CACNB2: variants seen among roughly 807,000 people sequenced by gnomAD.
CACNB2 encodes calcium voltage-gated channel auxiliary subunit beta 2, also known as voltage-dependent L-type calcium channel subunit beta-2.
CACNB2 carries 42 observed loss-of-function variants against 73.3 expected under a neutral mutation model. The ratio of observed to expected loss-of-function variants is 0.57; its 90% CI spans 0.45 to 0.74. CACNB2 has a LOEUF of 0.74. CACNB2 is among the 30% of genes least tolerant of loss of function. The pLI is 0.00. For synonymous variants in CACNB2, 348 were observed against 310.3 expected, an observed-to-expected ratio of 1.12 and a Z score of -1.28; for missense variants, 940 against 853.0, an observed-to-expected ratio of 1.10 and a Z score of -1.27.
At chr10:18,536,027 A>G in intron 11 of CACNB2, 74 bp from the exon 12 acceptor site, 1 of 856,828 alleles carries the variant, frequency 1.2e-6, no homozygotes, top group Non-Finnish European at 2.0e-6. Flanking sequence ...CCCCAGAGAA[A>G]GGAGTCAATA....
chr10:18,216,478 T>C (rs1423027989), intron 2 of CACNB2, among the ~76,000 whole-genome samples: 1 of 152,146 alleles, frequency 6.6e-6, no homozygotes, highest in Non-Finnish European at 1.5e-5. Context: ...AGTGGACATA[T>C]CCCACGTAAG....
At position 18,539,314 on chromosome 10, in the gene CACNB2, G is replaced by C. The variant is rs778403888; in HGVS notation, c.1573G>C (p.Val525Leu). Reference protein sequence around the residue: ...QAEEEPSVEPVKKSQHRSSSS... With the variant: ...QAEEEPSVEPLKKSQHRSSSS... ...TGAAGAAGAACCTAGTGTGGAACCA[G>C]TCAAGAAATCCCAGCACCGCTCTTC... The change falls in exon 14 of 14, where the codon GTC (valine) becomes CTC (leucine). Residue 525 changes from valine to leucine, a missense_variant. Coordinates refer to ENST00000324631, the MANE Select transcript of CACNB2 (RefSeq NM_201596.3). 8 of 1,613,904 alleles carry C rather than the reference G, an allele frequency of 5.0e-6. No homozygotes were observed. The highest frequency in any genetic ancestry group is 4.0e-5 in the African/African-American group (3 of 74,930).
intron 2 of CACNB2, among the ~76,000 whole-genome samples, chr10:18,319,304 G>T (rs2040309463): frequency 6.6e-6 from 1 of 152,174 alleles, no homozygotes; most frequent in East Asian, 1.9e-4. Context: ...TCAGGGACAT[G>T]GATGGAGCCG....
At chr10:18,348,901 T>C (rs1378512365) in intron 2 of CACNB2, among the ~76,000 whole-genome samples, 2 of 152,166 alleles carry the variant, frequency 1.3e-5, no homozygotes, top group African/African-American at 4.8e-5. Flanking sequence ...GGAAGATCGT[T>C]TGAGCTCAGG....
At chr10:18,516,872 T>C (rs2051335893) in intron 7 of CACNB2, among the ~76,000 whole-genome samples, 1 of 152,196 alleles carries the variant, frequency 6.6e-6, no homozygotes, top group African/African-American at 2.4e-5. Context: ...TTAAAATTAA[T>C]TCTGAATGCT....
chr10:18,455,748 A>G (rs984508900), intron 3 of CACNB2, among the ~76,000 whole-genome samples: 1 of 152,350 alleles, frequency 6.6e-6, no homozygotes, highest in Middle Eastern at 3.4e-3. Context: ...CTGTTCTGCA[A>G]CTGCAAATGG....
chr10:18,346,412 A>G (rs946668750), intron 2 of CACNB2, among the ~76,000 whole-genome samples: 1 of 152,078 alleles, frequency 6.6e-6, no homozygotes, highest in Non-Finnish European at 1.5e-5. Flanking sequence ...TGCTGGGATT[A>G]CGGGCGTGAG....
chr10:18,275,238 C>T (rs1041171042), intron 2 of CACNB2, among the ~76,000 whole-genome samples: 2 of 152,220 alleles, frequency 1.3e-5, no homozygotes, highest in African/African-American at 2.4e-5. Flanking sequence ...TATAGACTTT[C>T]GTTTTCTGCC....
At chr10:18,317,829 T>G (rs2040251086) in intron 2 of CACNB2, among the ~76,000 whole-genome samples, 1 of 152,228 alleles carries the variant, frequency 6.6e-6, no homozygotes, top group Non-Finnish European at 1.5e-5. Context: ...CAGCCATTGC[T>G]CTGGACATTG....
chr10:18,518,827 A>G (rs2133163032), intron 8 of CACNB2, 83 bp from the exon 9 acceptor site: 1 of 1,273,336 alleles, frequency 7.9e-7, no homozygotes, highest in Non-Finnish European at 1.1e-6. Flanking sequence ...GTTTTCAAGC[A>G]TTCCTAAGAG....
intron 2 of CACNB2, among the ~76,000 whole-genome samples, chr10:18,352,610 TA>T (rs2041755088): frequency 1.3e-5 from 2 of 152,234 alleles, no homozygotes; most frequent in Admixed American, 6.5e-5. Context: ...TTCTATTAAT[TA>T]GATGTCATTT....
At chr10:18,344,553 G>T (rs1036099408) in intron 2 of CACNB2, among the ~76,000 whole-genome samples, 9 of 151,838 alleles carry the variant, frequency 5.9e-5, no homozygotes, top group Non-Finnish European at 8.8e-5. Context: ...TGTATTTTTA[G>T]TAGAGACGGG....
intron 3 of CACNB2, among the ~76,000 whole-genome samples, chr10:18,403,872 C>T (rs1432584776): frequency 1.9e-5 from 2 of 107,620 alleles, no homozygotes; most frequent in African/African-American, 6.9e-5. Context: ...AATGGGTACC[C>T]AAAAAAAAAA....
intron 2 of CACNB2, among the ~76,000 whole-genome samples, chr10:18,175,447 G>A (rs1474754877): frequency 1.3e-5 from 2 of 152,126 alleles, no homozygotes; most frequent in African/African-American, 4.8e-5. Flanking sequence ...ATAAAAACAT[G>A]CACAATTTTT....
intron 2 of CACNB2, among the ~76,000 whole-genome samples, chr10:18,227,389 GCAGT>G (rs139972464): frequency 0.012 from 1,829 of 152,140 alleles, 12 homozygotes; most frequent in Middle Eastern, 0.061. Flanking sequence ...CAGAGGGTAT[GCAGT>G]CAAAGAGAGA....
chr10:18,472,974 G>A (rs927984095), intron 3 of CACNB2, among the ~76,000 whole-genome samples: 1 of 152,204 alleles, frequency 6.6e-6, no homozygotes, highest in Non-Finnish European at 1.5e-5. Flanking sequence ...CATCGCTGCT[G>A]TAGAATACAT....
chr10:18,270,167 C>T (rs2131638305), intron 2 of CACNB2, among the ~76,000 whole-genome samples: 1 of 152,284 alleles, frequency 6.6e-6, no homozygotes, highest in South Asian at 2.1e-4. Context: ...GGACCTTCTT[C>T]ACGTGGCGGC....
At chr10:18,266,089 A>G (rs1588888206) in intron 2 of CACNB2, among the ~76,000 whole-genome samples, 1 of 152,226 alleles carries the variant, frequency 6.6e-6, no homozygotes, top group Admixed American at 6.5e-5. Context: ...TCGGTACTCT[A>G]GTTAAATTCT....
chr10:18,367,287 A>C (rs994573094), intron 2 of CACNB2, among the ~76,000 whole-genome samples: 66 of 152,192 alleles, frequency 4.3e-4, no homozygotes, highest in Non-Finnish European at 7.1e-4. Flanking sequence ...ACATTTTATA[A>C]TTATATTATT....
Sources: gnomAD v4.1 joint callset for allele counts (sites outside exome capture counted in the v4.1 genomes callset) on GRCh38, gnomAD v4.1.1 for gene constraint, MANE v1.5 for transcripts, NCBI Gene and HGNC (gene_info 2026-07-23, HGNC 2026-07-21) for gene names.